Variants in STK3 observed in about 807,000 individuals in gnomAD.
STK3 encodes serine/threonine-protein kinase 3.
In STK3, 41 loss-of-function variants were observed where a neutral mutation model predicts 58.0. The observed-to-expected ratio is 0.71, with a 90% CI of 0.55 to 0.92. STK3 has a LOEUF of 0.92. STK3 is among the 40% of genes least tolerant of loss of function. The pLI, the probability that STK3 is intolerant of heterozygous loss-of-function variation, is 0.00. For synonymous variants in STK3, 170 were observed against 191.0 expected (o/e 0.89, Z 0.91); for missense variants, 479 against 602.7 (o/e 0.79, Z 2.15).
chr8:98,801,380 C>T (rs976716474), intron 1 of STK3, among the ~76,000 whole-genome samples: 1 of 152,066 alleles, frequency 6.6e-6, no homozygotes, highest in Admixed American at 6.6e-5. Context: ...CCCGCTCGGT[C>T]CCCTTCCACA....
intron 1 of STK3, among the ~76,000 whole-genome samples, chr8:98,815,175 A>G (rs1246073581): frequency 2.6e-5 from 4 of 152,264 alleles, no homozygotes; most frequent in Non-Finnish European, 5.9e-5. Flanking sequence ...TCTGCTCTGA[A>G]TAGTCTATAT....
intron 2 of STK3, among the ~76,000 whole-genome samples, chr8:98,772,692 G>C (rs560977943): frequency 6.6e-6 from 1 of 152,120 alleles, no homozygotes; most frequent in South Asian, 2.1e-4. Flanking sequence ...GTGAAACTCT[G>C]TCTCAAAAAA....
rs569800099 is a variant in STK3, at chr8:98,932,053, C to G, written c.-79+10325G>C. On this transcript the variant is annotated intron_variant, in intron 1 of 1. Coordinates refer to the STK3 transcript ENST00000519420. ...CGAAATGCCTGGATCCCCAATTGAT[C>G]TAAACAGGCCTCCAGGATAGTTCAC... Among the ~76,000 whole-genome samples the G allele has an allele frequency of 3.9e-5, 6 of 152,228 alleles. No individual in the cohort carries two copies. In the East Asian group the frequency reaches 1.2e-3, roughly 29 times the overall value.
chr8:98,849,528 GT>G (rs1836355648), intron 3 of STK3, among the ~76,000 whole-genome samples: 1 of 152,142 alleles, frequency 6.6e-6, no homozygotes, highest in African/African-American at 2.4e-5. Context: ...AAACCAAACA[GT>G]TAGGTCTCAC....
chr8:98,559,403 A>G (rs1399532363), intron 8 of STK3, among the ~76,000 whole-genome samples: 8 of 152,176 alleles, frequency 5.3e-5, no homozygotes, highest in African/African-American at 7.2e-5. Flanking sequence ...GCAGTATTCC[A>G]TGGTGAACAC....
At chr8:98,493,162 G>A (rs1349436691) in intron 10 of STK3, among the ~76,000 whole-genome samples, 1 of 150,038 alleles carries the variant, frequency 6.7e-6, no homozygotes, top group Non-Finnish European at 1.5e-5. Flanking sequence ...AGCCCAGGAG[G>A]TCGAAGCTGC....
intron 1 of STK3, 148 bp from the exon 2 acceptor site, chr8:98,774,967 C>A: frequency 2.0e-6 from 1 of 510,300 alleles, no homozygotes. Flanking sequence ...AGTAAACATT[C>A]TCCTTTCAAG....
chr8:98,691,334 A>C (rs1035199693), intron 6 of STK3, among the ~76,000 whole-genome samples: 1 of 152,244 alleles, frequency 6.6e-6, no homozygotes, highest in Non-Finnish European at 1.5e-5. Flanking sequence ...CTATTGCATA[A>C]TGCAAAGTAC....
intron 9 of STK3, among the ~76,000 whole-genome samples, chr8:98,534,106 C>G (rs1024220380): frequency 2.0e-5 from 3 of 152,034 alleles, no homozygotes; most frequent in Non-Finnish European, 2.9e-5. Flanking sequence ...ATGATCTATC[C>G]CAGTAGAGTC....
At chr8:98,529,427 G>C (rs1825989540) in intron 9 of STK3, among the ~76,000 whole-genome samples, 1 of 152,006 alleles carries the variant, frequency 6.6e-6, no homozygotes, top group Admixed American at 6.6e-5. Flanking sequence ...AGAGAGAGTG[G>C]TAATGGTGAT....
At chr8:98,416,561 G>T (rs1051470732) in intron 3 of STK3, among the ~76,000 whole-genome samples, 1 of 152,184 alleles carries the variant, frequency 6.6e-6, no homozygotes, top group South Asian at 2.1e-4. Flanking sequence ...CAGTGCAGGT[G>T]GGAGAGGGTC....
intron 1 of STK3, among the ~76,000 whole-genome samples, chr8:98,806,298 A>G (rs988276713): frequency 5.4e-5 from 8 of 147,552 alleles, no homozygotes; most frequent in South Asian, 2.1e-4. Flanking sequence ...CCTTTATGGG[A>G]AAAAAAAAAT....
At chr8:98,429,669 C>A (rs547854809) in intron 3 of STK3, 3 of 484,000 alleles carry the variant, frequency 6.2e-6, no homozygotes, top group Middle Eastern at 5.4e-4. Context: ...AAAATGTTCA[C>A]CTTTTTGCCA....
At chr8:98,626,086 G>A (rs1587072035) in intron 6 of STK3, among the ~76,000 whole-genome samples, 1 of 152,150 alleles carries the variant, frequency 6.6e-6, no homozygotes, top group Non-Finnish European at 1.5e-5. Context: ...GAAAAAGGAG[G>A]CAGCCATAAA....
At chr8:98,654,695 CAAACAGAG>C (rs1246535466) in intron 6 of STK3, among the ~76,000 whole-genome samples, 3 of 152,036 alleles carry the variant, frequency 2.0e-5, no homozygotes, top group Non-Finnish European at 4.4e-5. Flanking sequence ...CAATAACAGA[CAAACAGAG>C]AGCCAAATCA....
chr8:98,546,434 T>C (rs1810708297), intron 9 of STK3, among the ~76,000 whole-genome samples: 1 of 152,138 alleles, frequency 6.6e-6, no homozygotes, highest in Admixed American at 6.6e-5. Flanking sequence ...TGAAAAGTTG[T>C]TCATATAGTT....
intron 9 of STK3, among the ~76,000 whole-genome samples, chr8:98,544,724 TATTC>T (rs1810563285): frequency 6.6e-6 from 1 of 151,434 alleles, no homozygotes; most frequent in Admixed American, 6.6e-5. Context: ...CTGTAATTAG[TATTC>T]ATTCATGAAA....
At chr8:98,427,821 C>T in intron 3 of STK3, 1 of 613,156 alleles carries the variant, frequency 1.6e-6, no homozygotes, top group Non-Finnish European at 2.9e-6. Context: ...TGCCCCAGCC[C>T]AGCCCTTCAG....
intron 6 of STK3, among the ~76,000 whole-genome samples, chr8:98,622,244 G>C (rs1009469898): frequency 2.6e-5 from 4 of 151,802 alleles, no homozygotes; most frequent in Non-Finnish European, 5.9e-5. Context: ...ACTCCAGCCT[G>C]GGTGACAGTA....
Sources: allele counts gnomAD v4.1 joint callset (sites outside exome capture counted in the v4.1 genomes callset), GRCh38; gene constraint gnomAD v4.1.1; transcripts MANE v1.5; gene names NCBI Gene and HGNC (gene_info 2026-07-23, HGNC 2026-07-21).